The following PLCB4 variants were observed in gnomAD, a reference collection of about 807,000 sequenced individuals.
PLCB4 encodes the protein phospholipase C beta 4, also known as 1-phosphatidylinositol 4,5-bisphosphate phosphodiesterase beta-4.
Under a neutral mutation model 178.8 loss-of-function variants are expected in PLCB4, and 77 were observed. That is an observed-to-expected ratio of 0.43 (90% CI 0.36 to 0.52). PLCB4 has a LOEUF of 0.52. Ranked by LOEUF, PLCB4 falls within the 20% of genes least tolerant of loss-of-function variation. The probability of loss-of-function intolerance (pLI) is 0.00; values close to 1 mark genes in which losing one functional copy is unlikely to be tolerated. For missense variants in PLCB4, 1,024 were observed against 1,453.4 expected, an observed-to-expected ratio of 0.70 and a Z score of 4.80; for synonymous variants, 496 against 490.8, an observed-to-expected ratio of 1.01 and a Z score of -0.14.
chr20:9,478,654 C>T (rs1297415451), intron 39 of PLCB4, among the ~76,000 whole-genome samples: 1 of 152,104 alleles, frequency 6.6e-6, no homozygotes, highest in Non-Finnish European at 1.5e-5. Flanking sequence ...GTAAACCAGT[C>T]CCCAAAATTT....
rs544833263 is a variant in PLCB4 at position 9,072,781 on chromosome 20, A to G, written c.-135+3575A>G. On this transcript the variant is annotated intron_variant, in intron 1 of 39. Transcript: ENST00000378473. Reference sequence around the variant, plus strand: ...GAAAGTAATAATGCTGTACCTTTCAAATCTCAGCTAGGAGATCCTTATGTT... The same window carrying G: ...GAAAGTAATAATGCTGTACCTTTCAGATCTCAGCTAGGAGATCCTTATGTT... Among the ~76,000 whole-genome samples, 8 of 152,294 alleles carry G rather than the reference A, an allele frequency of 5.3e-5. No individual in the cohort carries two copies. In the East Asian group the frequency reaches 1.4e-3, roughly 26 times the overall value.
At chr20:9,311,440 C>T (rs2094832427) in intron 4 of PLCB4, among the ~76,000 whole-genome samples, 1 of 152,108 alleles carries the variant, frequency 6.6e-6, no homozygotes, top group Admixed American at 6.5e-5. Context: ...GATTAAAAAT[C>T]GGAGATCATG....
intron 2 of PLCB4, among the ~76,000 whole-genome samples, chr20:9,181,646 T>A (rs1311497801): frequency 6.6e-6 from 1 of 152,132 alleles, no homozygotes; most frequent in Non-Finnish European, 1.5e-5. Context: ...TGTTTGTCTC[T>A]GTTCTTTTAT....
chr20:9,363,041 G>A, intron 8 of PLCB4, 66 bp downstream of exon 8: 1 of 1,157,758 alleles, frequency 8.6e-7, no homozygotes, highest in Non-Finnish European at 1.3e-6. Flanking sequence ...ATGAAGAGAT[G>A]AAGGCTAGGT....
chr20:9,165,205 A>G (rs2092949754), intron 2 of PLCB4, among the ~76,000 whole-genome samples: 1 of 152,178 alleles, frequency 6.6e-6, no homozygotes, highest in African/African-American at 2.4e-5. Flanking sequence ...GGCACAAAAC[A>G]TGCTGTTTCT....
At chr20:9,262,211 T>A (rs73093848) in intron 3 of PLCB4, among the ~76,000 whole-genome samples, 3,694 of 152,238 alleles carry the variant, frequency 0.024, 61 homozygotes, top group Non-Finnish European at 0.039. Flanking sequence ...TAACTTTTTT[T>A]AAAAAGTGGA....
chr20:9,318,368 C>A (rs1256792866), intron 4 of PLCB4, among the ~76,000 whole-genome samples: 1 of 151,048 alleles, frequency 6.6e-6, no homozygotes. Context: ...TGGGTGGGGC[C>A]ATAGGAGTGG....
intron 7 of PLCB4, among the ~76,000 whole-genome samples, chr20:9,343,247 T>C (rs2033435482): frequency 6.6e-6 from 1 of 152,154 alleles, no homozygotes. Context: ...TCTGACCATT[T>C]GGAATAATTC....
intron 3 of PLCB4, among the ~76,000 whole-genome samples, chr20:9,276,911 T>C (rs910145924): frequency 3.9e-5 from 6 of 152,028 alleles, no homozygotes; most frequent in Non-Finnish European, 7.4e-5. Flanking sequence ...CACTCCAGCC[T>C]GGGTGACAGA....
chr20:9,150,088 C>T (rs1041079090), intron 2 of PLCB4, among the ~76,000 whole-genome samples: 2 of 152,190 alleles, frequency 1.3e-5, no homozygotes, highest in African/African-American at 4.8e-5. Context: ...AGCAAGGAAT[C>T]AATTCTTCAG....
chr20:9,137,838 T>C (rs1600663787), intron 2 of PLCB4, among the ~76,000 whole-genome samples: 1 of 152,082 alleles, frequency 6.6e-6, no homozygotes, highest in South Asian at 2.1e-4. Context: ...TGTATGTATT[T>C]ACAGAGGGCC....
At chr20:9,117,158 A>AT (rs1427359792) in intron 2 of PLCB4, among the ~76,000 whole-genome samples, 1 of 152,182 alleles carries the variant, frequency 6.6e-6, no homozygotes, top group Non-Finnish European at 1.5e-5. Flanking sequence ...TAATGACTAT[A>AT]TAATACTTCA....
At chr20:9,236,075 T>C (rs765601554) in intron 3 of PLCB4, among the ~76,000 whole-genome samples, 2 of 152,208 alleles carry the variant, frequency 1.3e-5, no homozygotes, top group Non-Finnish European at 2.9e-5. Context: ...GGGATCCCCC[T>C]TCAGGGCTTT....
At chr20:9,375,868 A>G (rs1387346950) in intron 12 of PLCB4, among the ~76,000 whole-genome samples, 1 of 152,180 alleles carries the variant, frequency 6.6e-6, no homozygotes, top group African/African-American at 2.4e-5. Flanking sequence ...GCCATTAACC[A>G]GGTAGAATAG....
At chr20:9,433,412 G>T (rs1290532851) in intron 28 of PLCB4, among the ~76,000 whole-genome samples, 1 of 152,194 alleles carries the variant, frequency 6.6e-6, no homozygotes, top group Non-Finnish European at 1.5e-5. Context: ...ATTAAGATGG[G>T]CTGTGTATTA....
chr20:9,093,367 T>C (rs1321400142), intron 1 of PLCB4, among the ~76,000 whole-genome samples: 1 of 152,158 alleles, frequency 6.6e-6, no homozygotes, highest in Non-Finnish European at 1.5e-5. Flanking sequence ...ACTGATAAAT[T>C]TGGAAGCCTG....
Position 9,401,511 on chromosome 20 carries a change from A to C in PLCB4, c.1532A>C (p.His511Pro). 1 of 1,613,590 alleles carries C rather than the reference A, an allele frequency of 6.2e-7. No individual in the cohort carries two copies. Among genetic ancestry groups the C allele is most frequent in the Non-Finnish European group, 8.5e-7 (1 of 1,179,614 alleles). ...ACAGCTGACCAAGAGGAGGAAGCTC[A>C]CCCCGAATTCAAATTTGGAAATGAA... ...IESADQEEEA[H>P]PEFKFGNELS... Residue 511 changes from histidine to proline, a missense_variant, in exon 20 of 40, where the codon CAC becomes CCC. His to Pro is a moderately conservative substitution (Grantham distance 77). Transcript: ENST00000378473.
At chr20:9,244,440 A>G (rs566083800) in intron 3 of PLCB4, among the ~76,000 whole-genome samples, 1 of 152,300 alleles carries the variant, frequency 6.6e-6, no homozygotes, top group East Asian at 1.9e-4. Context: ...TTAAGGATCA[A>G]TTATGACTAG....
At chr20:9,202,833 G>A (rs912369321) in intron 2 of PLCB4, among the ~76,000 whole-genome samples, 9 of 151,894 alleles carry the variant, frequency 5.9e-5, no homozygotes, top group African/African-American at 2.2e-4. Context: ...CTATGCATCT[G>A]GGGCCCTTGT....
Sources: allele counts gnomAD v4.1 joint callset (sites outside exome capture counted in the v4.1 genomes callset), GRCh38; gene constraint gnomAD v4.1.1; transcripts MANE v1.5; gene names NCBI Gene and HGNC (gene_info 2026-07-23, HGNC 2026-07-21).